BLNK: variants seen among roughly 807,000 people sequenced by gnomAD.
The protein encoded by BLNK is B-cell linker protein.
A neutral mutation model predicts 73.5 loss-of-function variants in BLNK; 29 were observed. That is an observed-to-expected ratio of 0.39 (90% CI 0.29 to 0.54). BLNK has a LOEUF of 0.54. Among genes scored for constraint, BLNK ranks in the 20% least tolerant of loss-of-function variants. The pLI is 0.61. For synonymous variants in BLNK, 176 were observed against 200.8 expected (o/e 0.88, Z 1.04); for missense variants, 460 against 562.8 (o/e 0.82, Z 1.85).
In BLNK at chr10:96,237,711, G is replaced by A. The variant is rs1842746301; in HGVS notation, c.163+5024C>T. Among the ~76,000 whole-genome samples, 3 of 152,178 alleles carry A rather than the reference G, an allele frequency of 2.0e-5. No homozygotes were observed. The South Asian group carries it at 6.2e-4, about 32-fold the overall frequency. On this transcript the variant is annotated intron_variant, in intron 3 of 16. Coordinates refer to ENST00000224337, the MANE Select transcript of BLNK (RefSeq NM_013314.4). ...GAAGCGAGTTCTTGCATTAATGTCA[G>A]GAGCTCTAGTGCCTTCAGAATAAGA...
In BLNK at chr10:96,190,410, C is replaced by T. The variant is rs1164742710; in HGVS notation, c.*1563G>A. On this transcript the variant is annotated 3_prime_UTR_variant, in exon 17 of 17. Transcript: ENST00000224337. ...AGGACACCAGCCATTGTATTAAGGCCCACCCTACTGACCTCATCTTACCTT... is the reference window on the plus strand; with the variant it reads ...AGGACACCAGCCATTGTATTAAGGCTCACCCTACTGACCTCATCTTACCTT... Among the ~76,000 whole-genome samples, 1 of 152,084 alleles carries T rather than the reference C, an allele frequency of 6.6e-6. No homozygotes were observed. Among genetic ancestry groups the T allele is most frequent in the Non-Finnish European group, 1.5e-5 (1 of 68,020 alleles).
intron 1 of BLNK, among the ~76,000 whole-genome samples, chr10:96,254,234 G>C (rs1213268622): frequency 6.6e-6 from 1 of 152,112 alleles, no homozygotes; most frequent in Non-Finnish European, 1.5e-5. Context: ...GCTTACCCAG[G>C]CATTCTCCCC....
At chr10:96,266,456 G>T (rs1554914315) in intron 1 of BLNK, among the ~76,000 whole-genome samples, 1 of 152,228 alleles carries the variant, frequency 6.6e-6, no homozygotes. Context: ...GCACAGCCAT[G>T]CCCAGAGTGG....
At chr10:96,194,768 A>ATTTTTTTTTTTTTT (rs71034364) in intron 16 of BLNK, among the ~76,000 whole-genome samples, 58 of 110,272 alleles carry the variant, frequency 5.3e-4, no homozygotes, top group African/African-American at 1.8e-3. Flanking sequence ...AGAAATGCAA[A>ATTTTTTTTTTTTTT]TTTTTTTTTT....
Position 96,246,976 on chromosome 10 carries a change from G to A in BLNK, c.113+8C>T, listed in dbSNP as rs377086170. 1.9e-5 allele frequency: 30 copies of A among 1,581,378 alleles called. No individual in the cohort carries two copies. Among genetic ancestry groups the A allele is most frequent in the East Asian group, 6.7e-5 (3 of 44,594 alleles). On this transcript the variant is annotated splice_region_variant and intron_variant, in intron 2 of 16. Transcript: ENST00000224337. ...TATAATTAAGTATTTAAATAGAGGC[G>A]AACTTACTTTTTGATTTTATTCATT... is the stretch of plus-strand genomic sequence containing the variant.
intron 2 of BLNK, among the ~76,000 whole-genome samples, chr10:96,246,242 G>A (rs1380606850): frequency 3.9e-5 from 6 of 152,018 alleles, no homozygotes; most frequent in Non-Finnish European, 5.9e-5. Flanking sequence ...GTAATAATTC[G>A]AAAAGCAGAA....
At position 96,215,369 on chromosome 10, in the gene BLNK, T is replaced by C. The variant is rs587687663; in HGVS notation, c.628A>G (p.Thr210Ala). The change falls in exon 8 of 17, where the codon ACC (threonine) becomes GCC (alanine). Residue 210 changes from threonine to alanine, a missense_variant. Thr to Ala is a moderately conservative substitution (Grantham distance 58). Coordinates refer to ENST00000224337, the MANE Select transcript of BLNK (RefSeq NM_013314.4). ...GCGGGCGTTGAGGAATTTGGCTTGG[T>C]TGATCTATTCACCATGGGAGCTTAA... ...PEKAPMVNRS[T>A]KPNSSTPASP... is the part of the protein sequence containing the mutation. The C allele has an allele frequency of 1.2e-4, 193 of 1,613,858 alleles. 2 individuals carry two copies. The South Asian group carries it at 2.1e-3, about 17-fold the overall frequency.
chr10:96,207,075 A>G, intron 10 of BLNK, 22 bp from the exon 11 acceptor site: 18 of 1,604,388 alleles, frequency 1.1e-5, no homozygotes, highest in Non-Finnish European at 1.5e-5. Flanking sequence ...AAAAAAAGGC[A>G]AGGTTATTCA....
intron 1 of BLNK, among the ~76,000 whole-genome samples, chr10:96,252,726 A>G (rs1306663240): frequency 1.3e-5 from 2 of 152,216 alleles, no homozygotes; most frequent in Admixed American, 6.5e-5. Context: ...AGATGAAGTG[A>G]CTGCAGGCAG....
rs1554894758 is a variant in BLNK, at chr10:96,196,768, T to C, written c.1251+140A>G. ...ACTGCCTAAATATAGTATTTTATCT[T>C]GTTCTCTATGACATTTATGCAAGCA... On this transcript the variant is annotated intron_variant, in intron 16 of 16. Transcript: ENST00000224337. 3.6e-6 allele frequency: 3 copies of C among 830,680 alleles called. No individual in the cohort carries two copies. In the African/African-American group the frequency reaches 5.2e-5, roughly 14 times the overall value. 51.5% of individuals were successfully genotyped at this position (830,680 alleles called of 1,614,324 possible). A position where few individuals can be genotyped will look rare whatever the true frequency, so the allele number is the denominator to read the frequency against.
At chr10:96,251,971 A>G (rs545911663) in intron 1 of BLNK, among the ~76,000 whole-genome samples, 37 of 152,236 alleles carry the variant, frequency 2.4e-4, no homozygotes, top group African/African-American at 8.4e-4. Context: ...TTGGACCACA[A>G]CTGGCTGGGC....
chr10:96,222,590 G>A (rs2084223188), intron 6 of BLNK, among the ~76,000 whole-genome samples: 1 of 152,152 alleles, frequency 6.6e-6, no homozygotes, highest in Non-Finnish European at 1.5e-5. Flanking sequence ...GTTGGATGCT[G>A]GGCCATCTGA....
chr10:96,195,689 T>C (rs2083447797), intron 16 of BLNK, among the ~76,000 whole-genome samples: 1 of 152,132 alleles, frequency 6.6e-6, no homozygotes, highest in Non-Finnish European at 1.5e-5. Flanking sequence ...GGGTATAGGG[T>C]TTTAGTTCTA....
chr10:96,217,174 G>A (rs2084087831), intron 6 of BLNK, among the ~76,000 whole-genome samples: 1 of 152,136 alleles, frequency 6.6e-6, no homozygotes, highest in African/African-American at 2.4e-5. Flanking sequence ...CCAAATAATA[G>A]TCTATTTTAT....
At chr10:96,264,594 G>A (rs1437801663) in intron 1 of BLNK, among the ~76,000 whole-genome samples, 11 of 152,126 alleles carry the variant, frequency 7.2e-5, no homozygotes, top group Admixed American at 7.2e-4. Flanking sequence ...TATTTTGGAG[G>A]GGGGCGGGGA....
At chr10:96,261,566 T>A (rs1843757278) in intron 1 of BLNK, among the ~76,000 whole-genome samples, 1 of 152,224 alleles carries the variant, frequency 6.6e-6, no homozygotes. Context: ...GTTTGGCAAC[T>A]GTGATGATCT....
intron 8 of BLNK, chr10:96,210,351 A>T: frequency 4.6e-6 from 1 of 216,592 alleles, no homozygotes; most frequent in Non-Finnish European, 9.4e-6. Flanking sequence ...ACCACTCCTG[A>T]CACAGACCTC....
intron 2 of BLNK, among the ~76,000 whole-genome samples, chr10:96,246,278 C>T (rs996583856): frequency 2.0e-5 from 3 of 152,128 alleles, no homozygotes; most frequent in Admixed American, 6.5e-5. Context: ...ACTGGCTGAG[C>T]GCAGTGGCTC....
chr10:96,268,354 C>T (rs1191111483), intron 1 of BLNK, among the ~76,000 whole-genome samples: 4 of 152,212 alleles, frequency 2.6e-5, no homozygotes, highest in Non-Finnish European at 5.9e-5. Flanking sequence ...GGAATGTTTA[C>T]TGTGGAACGA....
Sources: gnomAD v4.1 joint callset for allele counts (sites outside exome capture counted in the v4.1 genomes callset) on GRCh38, gnomAD v4.1.1 for gene constraint, MANE v1.5 for transcripts, NCBI Gene and HGNC (gene_info 2026-07-23, HGNC 2026-07-21) for gene names.